The following CDH18 variants were observed in gnomAD, a reference collection of about 807,000 sequenced individuals.
CDH18 encodes cadherin 18.
Under a neutral mutation model 67.9 loss-of-function variants are expected in CDH18, and 31 were observed. The observed-to-expected ratio is 0.46, with a 90% CI of 0.34 to 0.62. CDH18 has a LOEUF of 0.62. Ranked by LOEUF, CDH18 falls within the 20% of genes least tolerant of loss-of-function variation. The pLI is 0.01. For synonymous variants in CDH18, 362 were observed against 347.2 expected, an observed-to-expected ratio of 1.04 and a Z score of -0.48; for missense variants, 890 against 975.5, an observed-to-expected ratio of 0.91 and a Z score of 1.17.
intron 3 of CDH18, among the ~76,000 whole-genome samples, chr5:19,824,009 T>A (rs746413502): frequency 5.9e-5 from 9 of 151,332 alleles, no homozygotes; most frequent in Non-Finnish European, 8.8e-5. Flanking sequence ...TTAATAACCT[T>A]AACATCACAA....
chr5:19,551,567 G>A (rs1162974579), intron 8 of CDH18, among the ~76,000 whole-genome samples: 4 of 152,146 alleles, frequency 2.6e-5, no homozygotes, highest in African/African-American at 9.6e-5. Context: ...GAAGTGATAT[G>A]TGAAAATCAC....
At chr5:19,977,622 C>A (rs530465596) in intron 2 of CDH18, among the ~76,000 whole-genome samples, 66 of 152,240 alleles carry the variant, frequency 4.3e-4, no homozygotes, top group African/African-American at 1.6e-3. Context: ...AAACAATATC[C>A]ATGAGACATT....
intron 2 of CDH18, among the ~76,000 whole-genome samples, chr5:19,854,879 C>T (rs373084068): frequency 4.5e-4 from 68 of 150,910 alleles, no homozygotes; most frequent in African/African-American, 1.5e-3. Context: ...ATCCCCCTCC[C>T]CCCACTATCC....
At chr5:19,738,972 C>T (rs1028940867) in intron 4 of CDH18, among the ~76,000 whole-genome samples, 3 of 152,122 alleles carry the variant, frequency 2.0e-5, no homozygotes, top group Admixed American at 1.3e-4. Flanking sequence ...TAGTAAATCA[C>T]ATCAATCATT....
chr5:19,845,357 C>T (rs1214693368), intron 2 of CDH18, among the ~76,000 whole-genome samples: 1 of 152,054 alleles, frequency 6.6e-6, no homozygotes, highest in African/African-American at 2.4e-5. Context: ...TACCTAACTT[C>T]CATTGTATTT....
upstream of CDH18, among the ~76,000 whole-genome samples, chr5:19,990,998 T>C (rs913299927): frequency 1.3e-5 from 2 of 152,138 alleles, no homozygotes; most frequent in African/African-American, 4.8e-5. Flanking sequence ...TTGGGTTACC[T>C]TGGGAGAGTT....
intron 1 of CDH18, among the ~76,000 whole-genome samples, chr5:20,332,156 G>T (rs1443536855): frequency 6.6e-6 from 1 of 152,096 alleles, no homozygotes; most frequent in African/African-American, 2.4e-5. Flanking sequence ...ATCATTCCTG[G>T]AAACTTATTT....
intron 1 of CDH18, among the ~76,000 whole-genome samples, chr5:20,344,530 A>G (rs374016716): frequency 6.6e-6 from 1 of 151,270 alleles, no homozygotes; most frequent in East Asian, 1.9e-4. Flanking sequence ...GTACTCCCAG[A>G]GCAATAATGG....
chr5:20,411,844 A>G (rs184392195), intron 1 of CDH18, among the ~76,000 whole-genome samples: 4 of 152,228 alleles, frequency 2.6e-5, no homozygotes, highest in Admixed American at 2.6e-4. Flanking sequence ...AAAAATTGCT[A>G]CAAGGAGAAC....
Position 20,279,699 on chromosome 5 carries a change from C to CAAAAAAAAAAAAA in CDH18, c.-579-24207_-579-24195dup, listed in dbSNP as rs1189257278. On this transcript the variant is annotated intron_variant, in intron 1 of 14. Transcript: ENST00000507958. ...GGGTGACAAAAGAGAAGCTCTGTCT[C>CAAAAAAAAAAAAA]AAAAAAAAAAAAAAAAAAAAAAAAA... 2.4e-3 allele frequency among the ~76,000 whole-genome samples: 32 copies of CAAAAAAAAAAAAA among 13,600 alleles called. 2 individuals are homozygous for CAAAAAAAAAAAAA. The highest frequency in any genetic ancestry group is 3.6e-3 in the Non-Finnish European group (28 of 7,820). 8.9% of individuals were successfully genotyped at this position (13,600 alleles called of 152,430 possible).
At chr5:20,423,682 A>T (rs560062579) in intron 1 of CDH18, among the ~76,000 whole-genome samples, 1 of 151,080 alleles carries the variant, frequency 6.6e-6, no homozygotes, top group Non-Finnish European at 1.5e-5. Flanking sequence ...GCGGTGGCTC[A>T]TGCCTGTAAT....
intron 1 of CDH18, among the ~76,000 whole-genome samples, chr5:20,261,912 T>C (rs1744688225): frequency 1.3e-5 from 2 of 151,748 alleles, no homozygotes; most frequent in Admixed American, 6.6e-5. Flanking sequence ...CCTTGGAATG[T>C]AGAAATTAAC....
At chr5:19,556,587 A>T (rs1172487812) in intron 8 of CDH18, among the ~76,000 whole-genome samples, 1 of 152,050 alleles carries the variant, frequency 6.6e-6, no homozygotes, top group Non-Finnish European at 1.5e-5. Context: ...GAAAAAAAAA[A>T]TTTAAAAAAC....
intron 1 of CDH18, among the ~76,000 whole-genome samples, chr5:20,270,323 T>C (rs2126661955): frequency 6.6e-6 from 1 of 152,254 alleles, no homozygotes; most frequent in South Asian, 2.1e-4. Context: ...CTGAAAGGAA[T>C]ATTGATATTG....
chr5:20,316,140 A>G (rs978653161), intron 1 of CDH18, among the ~76,000 whole-genome samples: 2 of 152,148 alleles, frequency 1.3e-5, no homozygotes, highest in Non-Finnish European at 2.9e-5. Context: ...GATGAGAAGA[A>G]GCTTTCAAGA....
chr5:20,552,337 C>T (rs772385356), intron 1 of CDH18, among the ~76,000 whole-genome samples: 60 of 151,874 alleles, frequency 4.0e-4, no homozygotes, highest in Admixed American at 2.0e-4. Flanking sequence ...ATTAGCTGGG[C>T]GTGGTCGTGG....
At chr5:19,864,660 A>G (rs1051358174) in intron 2 of CDH18, among the ~76,000 whole-genome samples, 3 of 152,134 alleles carry the variant, frequency 2.0e-5, no homozygotes, top group African/African-American at 7.2e-5. Context: ...CACATGTGCA[A>G]ATCTTGGCCT....
At chr5:20,473,260 TAA>T (rs1214080195) in intron 1 of CDH18, among the ~76,000 whole-genome samples, 6 of 152,064 alleles carry the variant, frequency 3.9e-5, no homozygotes, top group African/African-American at 9.7e-5. Flanking sequence ...AAAAATAAAA[TAA>T]AAGTTACTCG....
intron 1 of CDH18, among the ~76,000 whole-genome samples, chr5:20,326,819 G>A (rs576876744): frequency 3.5e-4 from 53 of 152,228 alleles, no homozygotes; most frequent in Non-Finnish European, 6.6e-4. Context: ...GGGATCACCG[G>A]CTTGAGCCAC....
Sources: allele counts gnomAD v4.1 joint callset (sites outside exome capture counted in the v4.1 genomes callset), GRCh38; gene constraint gnomAD v4.1.1; transcripts MANE v1.5; gene names NCBI Gene and HGNC (gene_info 2026-07-23, HGNC 2026-07-21).